Variants in NEDD4L observed in about 807,000 individuals in gnomAD.
NEDD4L encodes the protein E3 ubiquitin-protein ligase NEDD4-like.
NEDD4L carries 54 observed loss-of-function variants against 148.9 expected under a neutral mutation model. The observed-to-expected ratio is 0.36, with a 90% CI of 0.29 to 0.45. NEDD4L has a LOEUF of 0.45. Ranked by LOEUF, NEDD4L falls within the 20% of genes least tolerant of loss-of-function variation. The pLI is 1.00. For missense variants in NEDD4L, 856 were observed against 1,233.8 expected (o/e 0.69, Z 4.59); for synonymous variants, 433 against 440.7 (o/e 0.98, Z 0.22).
chr18:58,094,287 T>G (rs1319235335), intron 1 of NEDD4L, among the ~76,000 whole-genome samples: 1 of 151,884 alleles, frequency 6.6e-6, no homozygotes. Flanking sequence ...TGGGCTCATA[T>G]GATCCTCTTG....
At chr18:58,141,400 A>G (rs2146137404) in intron 1 of NEDD4L, among the ~76,000 whole-genome samples, 1 of 152,374 alleles carries the variant, frequency 6.6e-6, no homozygotes, top group South Asian at 2.1e-4. Flanking sequence ...GTTACAGAAT[A>G]AAATCAAACA....
At chr18:58,194,732 A>G (rs2040475003) in intron 2 of NEDD4L, among the ~76,000 whole-genome samples, 1 of 152,178 alleles carries the variant, frequency 6.6e-6, no homozygotes, top group African/African-American at 2.4e-5. Context: ...AAAGAGGAAA[A>G]TATTTTGCTA....
At chr18:58,154,888 G>A (rs2035272965) in intron 1 of NEDD4L, among the ~76,000 whole-genome samples, 1 of 151,834 alleles carries the variant, frequency 6.6e-6, no homozygotes, top group Non-Finnish European at 1.5e-5. Context: ...AGAAAAATGT[G>A]TTTGTATATG....
chr18:58,380,637 A>G (rs1331262214), intron 24 of NEDD4L, among the ~76,000 whole-genome samples: 1 of 152,094 alleles, frequency 6.6e-6, no homozygotes, highest in African/African-American at 2.4e-5. Flanking sequence ...GGTTTGTTAC[A>G]TAGGTATACA....
intron 2 of NEDD4L, among the ~76,000 whole-genome samples, chr18:58,236,195 A>C (rs1411323356): frequency 7.2e-5 from 11 of 151,758 alleles, no homozygotes; most frequent in Non-Finnish European, 1.5e-4. Context: ...TCTCTACAAA[A>C]AATTTTTAAA....
chr18:58,068,865 A>G (rs2082734688), intron 1 of NEDD4L, among the ~76,000 whole-genome samples: 1 of 152,106 alleles, frequency 6.6e-6, no homozygotes, highest in African/African-American at 2.4e-5. Context: ...GGCCAGACAC[A>G]GTGGCTTACG....
chr18:58,086,466 A>G (rs187092036), intron 1 of NEDD4L, among the ~76,000 whole-genome samples: 3 of 152,270 alleles, frequency 2.0e-5, no homozygotes, highest in East Asian at 3.9e-4. Context: ...ACATTCTCAT[A>G]TATTTATTTT....
chr18:58,088,689 T>C (rs1329710365), intron 1 of NEDD4L, among the ~76,000 whole-genome samples: 1 of 152,232 alleles, frequency 6.6e-6, no homozygotes, highest in African/African-American at 2.4e-5. Context: ...GTCCATTTTG[T>C]AAATATTTAG....
Position 58,366,614 on chromosome 18 carries a change from G to C in NEDD4L, c.2063+386G>C, listed in dbSNP as rs985261618. 6.2e-6 allele frequency: 1 copy of C among 160,872 alleles called. No individual in the cohort carries two copies. Among genetic ancestry groups the C allele is most frequent in the African/African-American group, 2.4e-5 (1 of 41,780 alleles). The allele number at this position is 160,872 out of a possible 1,614,324, so 10.0% of individuals were successfully genotyped here. ...TCGTTTCTGAGGTCTCCTGTGTAAAGGCAAATTGTAAGGACTTTGAGGACC... is the reference window on the plus strand; with the variant it reads ...TCGTTTCTGAGGTCTCCTGTGTAAACGCAAATTGTAAGGACTTTGAGGACC... On this transcript the variant is annotated intron_variant, in intron 21 of 30. Coordinates refer to ENST00000400345, the MANE Select transcript of NEDD4L (RefSeq NM_001144967.3). The surrounding 1 kb of genome is among the most constrained non-coding windows in gnomAD (Gnocchi z 4.2).
At chr18:58,076,787 A>G (rs1292671561) in intron 1 of NEDD4L, among the ~76,000 whole-genome samples, 1 of 151,976 alleles carries the variant, frequency 6.6e-6, no homozygotes, top group African/African-American at 2.4e-5. Context: ...AAGGTAAAGA[A>G]TGTACAGTGA....
intron 2 of NEDD4L, among the ~76,000 whole-genome samples, chr18:58,226,422 A>G: frequency 6.6e-6 from 1 of 152,210 alleles, no homozygotes; most frequent in East Asian, 1.9e-4. Context: ...CTGACCCCCA[A>G]GTCAAAATTG....
At chr18:58,255,737 A>G (rs2048438029) in intron 5 of NEDD4L, 1 of 1,232,354 alleles carries the variant, frequency 8.1e-7, no homozygotes. Context: ...CGACTTCTTC[A>G]TGGCATTCCA....
At chr18:58,197,216 A>G (rs2040816240) in intron 2 of NEDD4L, among the ~76,000 whole-genome samples, 2 of 152,204 alleles carry the variant, frequency 1.3e-5, no homozygotes, top group South Asian at 4.1e-4. Flanking sequence ...TTAAAAGGAG[A>G]TGTTTCTGTT....
At chr18:58,070,717 TACCC>T (rs1054360013) in intron 1 of NEDD4L, among the ~76,000 whole-genome samples, 2 of 147,156 alleles carry the variant, frequency 1.4e-5, no homozygotes, top group African/African-American at 2.5e-5. Flanking sequence ...CCCTCTCACC[TACCC>T]ACCCACCCAC....
At position 58,255,409 on chromosome 18, in the gene NEDD4L, C is replaced by T. The variant is rs969651207; in HGVS notation, c.297+3355C>T. On this transcript the variant is annotated intron_variant, in intron 5 of 30. Coordinates refer to ENST00000400345, the MANE Select transcript of NEDD4L (RefSeq NM_001144967.3). ...AGCGCGGTCATGTGGTTCTGGCCAC[C>T]CTACCCTCTGTCACAGTGTGGATGA... is the stretch of plus-strand genomic sequence containing the variant. The T allele has an allele frequency of 3.3e-5, 30 of 907,304 alleles. No homozygotes were observed. In the African/African-American group the frequency reaches 4.8e-4, roughly 15 times the overall value. 56.2% of individuals were successfully genotyped at this position (907,304 alleles called of 1,614,324 possible). A position where few individuals can be genotyped will look rare whatever the true frequency, so the allele number is the denominator to read the frequency against.
At position 58,313,417 on chromosome 18, in the gene NEDD4L, A is replaced by G. The variant is rs138838632; in HGVS notation, c.298-2565A>G. On this transcript the variant is annotated intron_variant, in intron 5 of 30. Transcript: ENST00000400345. ...GTAGTGTAAAGATAACATAGCAAAT[A>G]AGCATTTTACCAGAACCCTCTGAAG... is the stretch of plus-strand genomic sequence containing the variant. Among the ~76,000 whole-genome samples the G allele has an allele frequency of 2.9e-3, 444 of 152,328 alleles. 1 individual carries two copies. The highest frequency in any genetic ancestry group is 0.024 in the Middle Eastern group (7 of 294).
chr18:58,314,075 CT>C (rs959128644), intron 5 of NEDD4L, among the ~76,000 whole-genome samples: 4 of 152,114 alleles, frequency 2.6e-5, no homozygotes, highest in South Asian at 4.2e-4. Flanking sequence ...CAGTGAATTT[CT>C]TTTTTTTATA....
At chr18:58,162,248 G>C (rs2036305076) in intron 1 of NEDD4L, among the ~76,000 whole-genome samples, 1 of 152,034 alleles carries the variant, frequency 6.6e-6, no homozygotes, top group South Asian at 2.1e-4. Context: ...CTCCCCCAGT[G>C]GTCGGGATAA....
intron 2 of NEDD4L, among the ~76,000 whole-genome samples, chr18:58,202,498 G>A (rs778942185): frequency 5.3e-5 from 8 of 152,250 alleles, no homozygotes; most frequent in Non-Finnish European, 8.8e-5. Flanking sequence ...ATGCAGTCAG[G>A]TTGGAGAAGC....
Sources: allele counts gnomAD v4.1 joint callset (sites outside exome capture counted in the v4.1 genomes callset), GRCh38; gene constraint gnomAD v4.1.1; non-coding constraint Gnocchi (gnomAD v3.1); transcripts MANE v1.5; gene names NCBI Gene and HGNC (gene_info 2026-07-23, HGNC 2026-07-21).